The following SDR42E1 variants were observed in gnomAD, a reference collection of about 807,000 sequenced individuals.
The protein encoded by SDR42E1 is short chain dehydrogenase/reductase family 42E, member 1.
In SDR42E1, 5 loss-of-function variants were observed where a neutral mutation model predicts 2.6. The observed-to-expected ratio is 1.94, with a 90% confidence interval of 1.01 to 4.08. SDR42E1 has a LOEUF of 4.08. Among genes scored for constraint, SDR42E1 ranks in the 30% most tolerant of loss-of-function variants. The pLI is 0.00. For synonymous variants in SDR42E1, 231 were observed against 188.3 expected, an observed-to-expected ratio of 1.23 and a Z score of -1.86; for missense variants, 596 against 478.6, an observed-to-expected ratio of 1.25 and a Z score of -2.29.
intron 1 of SDR42E1, among the ~76,000 whole-genome samples, chr16:82,008,410 G>T (rs1164968606): frequency 6.6e-6 from 1 of 152,230 alleles, no homozygotes; most frequent in Non-Finnish European, 1.5e-5. Context: ...ACAGGAAGAT[G>T]TGGGAAAGTT....
intron 1 of SDR42E1, among the ~76,000 whole-genome samples, chr16:82,008,990 C>G (rs1042923782): frequency 1.3e-5 from 2 of 152,162 alleles, no homozygotes; most frequent in Admixed American, 6.5e-5. Context: ...CTAAAACGGG[C>G]CAAGGTACAG....
At position 81,996,092 on chromosome 16, in the gene SDR42E1, A is replaced by C. The variant is rs1397425676; in HGVS notation, c.*3019T>G. The C allele has an allele frequency of 6.6e-6, 1 of 152,202 alleles. No individual in the cohort carries two copies. The highest frequency in any genetic ancestry group is 1.9e-4 in the East Asian group (1 of 5,190). The allele number at this position is 152,202 out of a possible 1,614,324, so 9.4% of individuals were successfully genotyped here. ...GAGAAGGCAGAATAATGTGAGATGA[A>C]GTTAGAGAGACAGGCAAGGGGCCAG... On this transcript the variant is annotated 3_prime_UTR_variant, in exon 3 of 3. Coordinates refer to ENST00000328945, the MANE Select transcript of SDR42E1 (RefSeq NM_145168.3).
intron 2 of SDR42E1, 136 bp from the exon 3 acceptor site, chr16:82,000,360 G>A (rs1567564081): frequency 2.9e-6 from 3 of 1,048,044 alleles, no homozygotes; most frequent in Non-Finnish European, 4.4e-6. Context: ...CACTATGCAT[G>A]TTCCTTGGTG....
Position 81,999,377 on chromosome 16 carries a change from T to A in SDR42E1, c.916A>T (p.Asn306Tyr), listed in dbSNP as rs757094173. 3 of 1,614,012 alleles carry A rather than the reference T, an allele frequency of 1.9e-6. No individual in the cohort carries two copies. The highest frequency in any genetic ancestry group is 2.7e-5 in the African/African-American group (2 of 74,888). ...GTGCGAGTGAGGAAGGGCTGGAAGT[T>A]GTAGAGTCGACCCAAAATGAAGTGA... is the stretch of plus-strand genomic sequence containing the variant. ...MVHFILGRLY[N>Y]FQPFLTRTEV... Residue 306 changes from asparagine (N) to tyrosine (Y), a missense_variant, in exon 3 of 3, where the codon AAC (asparagine) becomes TAC (tyrosine). By Grantham distance (143) the Asn-to-Tyr change is moderately radical. Coordinates refer to ENST00000328945, the MANE Select transcript of SDR42E1 (RefSeq NM_145168.3).
intron 1 of SDR42E1, among the ~76,000 whole-genome samples, chr16:82,001,895 C>T (rs186587813): frequency 1.4e-5 from 2 of 141,382 alleles, no homozygotes; most frequent in East Asian, 4.1e-4. Context: ...GAGCAAGACT[C>T]CATCTCAAAA....
rs1912492676 is a variant in SDR42E1, at chr16:81,994,275, C to G, written c.*4836G>C. 1 of 152,208 alleles carries G rather than the reference C, an allele frequency of 6.6e-6. No individual in the cohort carries two copies. Among genetic ancestry groups the G allele is most frequent in the African/African-American group, 2.4e-5 (1 of 41,446 alleles). 9.4% of individuals were successfully genotyped at this position (152,208 alleles called of 1,614,324 possible). ...TTAACACATAGCTGGACCCAGCAGC[C>G]CAAACATCATCAGCACTCGGTCCTC... On this transcript the variant is annotated 3_prime_UTR_variant, in exon 3 of 3. Coordinates refer to ENST00000328945, the MANE Select transcript of SDR42E1 (RefSeq NM_145168.3).
At chr16:82,000,468 C>A in intron 2 of SDR42E1, 1 of 658,234 alleles carries the variant, frequency 1.5e-6, no homozygotes. Flanking sequence ...TGGCATTTTT[C>A]CCCCTTGGTT....
At chr16:82,007,189 T>A (rs1050318005) in intron 1 of SDR42E1, among the ~76,000 whole-genome samples, 2 of 152,240 alleles carry the variant, frequency 1.3e-5, no homozygotes, top group African/African-American at 4.8e-5. Flanking sequence ...CCAGTAAATA[T>A]AAATGGGGTG....
Position 81,998,543 on chromosome 16 carries a change from C to T in SDR42E1, c.*568G>A, listed in dbSNP as rs1487655970. The stretch of plus-strand genomic sequence containing the variant: ...TAAAGGCCTAAACATCAAACATTAC[C>T]ATGTGTTCACATAGGCATAATGCCC... On this transcript the variant is annotated 3_prime_UTR_variant, in exon 3 of 3. Coordinates refer to ENST00000328945, the MANE Select transcript of SDR42E1 (RefSeq NM_145168.3). 1 of 153,402 alleles carries T rather than the reference C, an allele frequency of 6.5e-6. No homozygotes were observed. Among genetic ancestry groups the T allele is most frequent in the Non-Finnish European group, 1.5e-5 (1 of 68,960 alleles). 9.5% of individuals were successfully genotyped at this position (153,402 alleles called of 1,614,324 possible). A position where few individuals can be genotyped will look rare whatever the true frequency, so the allele number is the denominator to read the frequency against.
rs1426816248 is a variant in SDR42E1 at position 81,991,229 on chromosome 16, C to G, written c.*7882G>C. 1 of 152,220 alleles carries G rather than the reference C, an allele frequency of 6.6e-6. No homozygotes were observed. Among genetic ancestry groups the G allele is most frequent in the Non-Finnish European group, 1.5e-5 (1 of 68,056 alleles). The allele number at this position is 152,220 out of a possible 1,614,324, so 9.4% of individuals were successfully genotyped here. A position where few individuals can be genotyped will look rare whatever the true frequency, so the allele number is the denominator to read the frequency against. On this transcript the variant is annotated 3_prime_UTR_variant, in exon 3 of 3. Transcript: ENST00000328945. ...ATTAACAGCACCCCCCGCCCACACA[C>G]CTCAGCTCTACGTAATACATACTCA...
Position 81,993,648 on chromosome 16 carries a change from T to A in SDR42E1, c.*5463A>T, listed in dbSNP as rs909926315. On this transcript the variant is annotated 3_prime_UTR_variant, in exon 3 of 3. Transcript: ENST00000328945. ...CTGGGGAATCAGCTGTAATTTCAGATAAGGGACCACCTGGCTGATAAGTGC... is the reference window on the plus strand; with the variant it reads ...CTGGGGAATCAGCTGTAATTTCAGAAAAGGGACCACCTGGCTGATAAGTGC... 6.6e-6 allele frequency: 1 copy of A among 152,180 alleles called. No individual in the cohort carries two copies. The highest frequency in any genetic ancestry group is 1.5e-5 in the Non-Finnish European group (1 of 68,032). 9.4% of individuals were successfully genotyped at this position (152,180 alleles called of 1,614,324 possible). A position where few individuals can be genotyped will look rare whatever the true frequency, so the allele number is the denominator to read the frequency against.
At chr16:82,002,417 A>G (rs1353154714) in intron 1 of SDR42E1, among the ~76,000 whole-genome samples, 2 of 152,224 alleles carry the variant, frequency 1.3e-5, no homozygotes, top group Non-Finnish European at 2.9e-5. Flanking sequence ...AAAAGGCAGC[A>G]TGGTACAGTG....
rs901100420 is a variant in SDR42E1, at chr16:81,993,767, C to G, written c.*5344G>C. 6 of 152,142 alleles carry G rather than the reference C, an allele frequency of 3.9e-5. No individual in the cohort carries two copies. The highest frequency in any genetic ancestry group is 1.2e-4 in the African/African-American group (5 of 41,424). 9.4% of individuals were successfully genotyped at this position (152,142 alleles called of 1,614,324 possible). A position where few individuals can be genotyped will look rare whatever the true frequency, so the allele number is the denominator to read the frequency against. On this transcript the variant is annotated 3_prime_UTR_variant, in exon 3 of 3. Transcript: ENST00000328945. The stretch of plus-strand genomic sequence containing the variant: ...CCTGCTCTCATGGGGCGTTTATGTT[C>G]TGGGGAGCAAATCACTTCATCAAAC...
chr16:82,004,342 T>C (rs59967951), intron 1 of SDR42E1, among the ~76,000 whole-genome samples: 6,273 of 152,120 alleles, frequency 0.041, 433 homozygotes, highest in African/African-American at 0.14. Flanking sequence ...CACGAATAAA[T>C]GGATCACATG....
intron 1 of SDR42E1, among the ~76,000 whole-genome samples, chr16:82,004,017 T>C (rs1050951738): frequency 6.6e-6 from 1 of 152,120 alleles, no homozygotes; most frequent in Non-Finnish European, 1.5e-5. Flanking sequence ...CAATAACATG[T>C]CTCCTAAAAA....
rs769309805 is a variant in SDR42E1, at chr16:82,000,370, G to A, written c.69-146C>T. The stretch of plus-strand genomic sequence containing the variant: ...CCCCTCACTATGCATGTTCCTTGGT[G>A]CAAGCCTCGCTTCTTCAAATTTTCA... On this transcript the variant is annotated intron_variant, in intron 2 of 2. Transcript: ENST00000328945. 19 of 969,018 alleles carry A rather than the reference G, an allele frequency of 2.0e-5. 2 individuals are homozygous for A. The South Asian group carries it at 2.5e-4, about 13-fold the overall frequency. The allele number at this position is 969,018 out of a possible 1,614,324, so 60.0% of individuals were successfully genotyped here.
chr16:82,005,059 C>A (rs944934217), intron 1 of SDR42E1, among the ~76,000 whole-genome samples: 1 of 152,202 alleles, frequency 6.6e-6, no homozygotes, highest in African/African-American at 2.4e-5. Context: ...ATAAGGAATT[C>A]TGAAAATGGA....
In SDR42E1 at chr16:81,995,570, TA is replaced by T. The variant is rs1166845719; in HGVS notation, c.*3540del. The T allele has an allele frequency of 6.6e-6, 1 of 152,180 alleles. No homozygotes were observed. The highest frequency in any genetic ancestry group is 1.5e-5 in the Non-Finnish European group (1 of 68,036). 9.4% of individuals were successfully genotyped at this position (152,180 alleles called of 1,614,324 possible). ...AGATCATATAGACAATGACTTCCCT[TA>T]CTCACTAGACCTCATCTAATCTTGA... On this transcript the variant is annotated 3_prime_UTR_variant, in exon 3 of 3. Coordinates refer to ENST00000328945, the MANE Select transcript of SDR42E1 (RefSeq NM_145168.3).
chr16:82,010,079 T>G (rs1447307700), intron 1 of SDR42E1, among the ~76,000 whole-genome samples: 1 of 152,282 alleles, frequency 6.6e-6, no homozygotes, highest in East Asian at 1.9e-4. Context: ...GGCATGATTA[T>G]GAGGCTTCCC....
Sources: gnomAD v4.1 joint callset for allele counts (sites outside exome capture counted in the v4.1 genomes callset) on GRCh38, gnomAD v4.1.1 for gene constraint, MANE v1.5 for transcripts, NCBI Gene and HGNC (gene_info 2026-07-23, HGNC 2026-07-21) for gene names.